GALK2: variants seen among roughly 807,000 people sequenced by gnomAD.
GALK2 encodes N-acetylgalactosamine kinase.
In GALK2, 36 loss-of-function variants were observed where a neutral mutation model predicts 52.4. The ratio of observed to expected loss-of-function variants is 0.69; its 90% CI spans 0.53 to 0.91. The LOEUF is 0.91. GALK2 is among the 40% of genes least tolerant of loss of function. GALK2 has a pLI of 0.00. For missense variants in GALK2, 579 were observed against 559.1 expected (o/e 1.04, Z -0.36); for synonymous variants, 176 against 199.1 (o/e 0.88, Z 0.98).
At chr15:49,338,494 C>T (rs924740005) in intron 3 of GALK2, among the ~76,000 whole-genome samples, 9 of 152,192 alleles carry the variant, frequency 5.9e-5, no homozygotes, top group East Asian at 3.8e-4. Flanking sequence ...CAGAGAGATC[C>T]GCTGTTAGTC....
intron 3 of GALK2, among the ~76,000 whole-genome samples, chr15:49,222,139 T>G (rs1434958391): frequency 6.6e-6 from 1 of 152,158 alleles, no homozygotes; most frequent in African/African-American, 2.4e-5. Flanking sequence ...AATTTATTCT[T>G]AGGTATTTTT....
intron 3 of GALK2, among the ~76,000 whole-genome samples, chr15:49,351,700 T>C (rs1251942236): frequency 6.6e-6 from 1 of 152,150 alleles, no homozygotes; most frequent in Non-Finnish European, 1.5e-5. Flanking sequence ...AAAGTAACAT[T>C]GGACAGACAG....
chr15:49,293,782 G>A (rs7177959), intron 8 of GALK2, among the ~76,000 whole-genome samples: 24,284 of 152,030 alleles, frequency 0.16, 3,062 homozygotes, highest in African/African-American at 0.35. Context: ...TTGGGTCTAG[G>A]GAGACCAGAA....
At chr15:49,192,703 A>C (rs1271736429) in intron 1 of GALK2, among the ~76,000 whole-genome samples, 1 of 151,622 alleles carries the variant, frequency 6.6e-6, no homozygotes, top group Non-Finnish European at 1.5e-5. Flanking sequence ...TCAACATCAG[A>C]ATGCATTGTT....
intron 5 of GALK2, among the ~76,000 whole-genome samples, chr15:49,264,465 AT>A (rs1490311888): frequency 3.3e-5 from 5 of 152,098 alleles, no homozygotes; most frequent in Non-Finnish European, 7.4e-5. Flanking sequence ...CTAGTTATAC[AT>A]TCGTCTAAAT....
intron 5 of GALK2, among the ~76,000 whole-genome samples, chr15:49,250,584 C>T (rs1325640854): frequency 6.6e-6 from 1 of 152,056 alleles, no homozygotes; most frequent in Non-Finnish European, 1.5e-5. Context: ...GATTCCAGCT[C>T]ACATATTTTT....
rs2090982622 is a variant in GALK2 at position 49,239,308 on chromosome 15, G to T, written c.445G>T (p.Ala149Ser). Residue 149 changes from alanine to serine, a missense_variant, in exon 5 of 10, where the codon GCT becomes TCT. Coordinates refer to ENST00000560031, the MANE Select transcript of GALK2 (RefSeq NM_002044.4). ...AAGTTCTGGCCTCTCCAGCTCCAGT[G>T]CTTTGGTCTGTTGTGCTGGCTTGGT... ...PPSSGLSSSS[A>S]LVCCAGLVTL... The T allele has an allele frequency of 6.2e-7, 1 of 1,614,028 alleles. No individual in the cohort carries two copies. The highest frequency in any genetic ancestry group is 1.7e-5 in the Admixed American group (1 of 60,004).
Position 49,188,330 on chromosome 15 carries a change from G to T in GALK2, c.54-12832G>T, listed in dbSNP as rs116209621. Reference sequence around the variant, plus strand: ...TGCTGGGATGGGCAATTTCCCTCTAGCTAGGGCTGGTCTAAATGCTGCTTC... The same window carrying T: ...TGCTGGGATGGGCAATTTCCCTCTATCTAGGGCTGGTCTAAATGCTGCTTC... On this transcript the variant is annotated intron_variant, in intron 1 of 9. Coordinates refer to ENST00000560031, the MANE Select transcript of GALK2 (RefSeq NM_002044.4). Among the ~76,000 whole-genome samples the T allele has an allele frequency of 6.3e-3, 963 of 152,300 alleles. 15 individuals carry two copies. Among genetic ancestry groups the T allele is most frequent in the African/African-American group, 0.022 (906 of 41,570 alleles).
chr15:49,348,867 A>C (rs2041886511), intron 3 of GALK2, among the ~76,000 whole-genome samples: 2 of 152,190 alleles, frequency 1.3e-5, no homozygotes. Context: ...TTCTTCTCTT[A>C]TTTGATACAA....
At chr15:49,168,690 C>T (rs934565562), upstream of GALK2, among the ~76,000 whole-genome samples, 1 of 151,062 alleles carries the variant, frequency 6.6e-6, no homozygotes, top group African/African-American at 2.4e-5. Context: ...TGCACTCCAG[C>T]CTGGGCAACA....
chr15:49,341,022 T>G (rs2040644717), intron 3 of GALK2, among the ~76,000 whole-genome samples: 2 of 152,200 alleles, frequency 1.3e-5, no homozygotes, highest in Non-Finnish European at 2.9e-5. Context: ...GAGTAGGAAG[T>G]CCTTTCCCCA....
intron 8 of GALK2, among the ~76,000 whole-genome samples, chr15:49,316,483 G>A (rs12904171): frequency 6.8e-6 from 1 of 147,334 alleles, no homozygotes; most frequent in African/African-American, 2.6e-5. Context: ...GGGTAGGGGG[G>A]AGGGATAGCA....
upstream of GALK2, chr15:49,168,995 G>C (rs1471341665): frequency 2.0e-5 from 3 of 153,650 alleles, no homozygotes; most frequent in Admixed American, 6.6e-5. Context: ...TTGTTTCTTT[G>C]ATGTATCATT....
intron 3 of GALK2, among the ~76,000 whole-genome samples, chr15:49,230,735 G>A (rs2090455205): frequency 6.6e-6 from 1 of 152,160 alleles, no homozygotes; most frequent in Non-Finnish European, 1.5e-5. Context: ...CTGGGCAGAT[G>A]TTTCTTTGAA....
intron 3 of GALK2, among the ~76,000 whole-genome samples, chr15:49,342,012 G>T (rs549754639): frequency 1.3e-5 from 2 of 152,258 alleles, no homozygotes; most frequent in African/African-American, 4.8e-5. Context: ...TTCTGTGGTT[G>T]ATGGGTGAAG....
At chr15:49,201,054 GT>G in intron 1 of GALK2, 107 bp from the exon 2 acceptor site, 2 of 112,134 alleles carry the variant, frequency 1.8e-5, no homozygotes, top group Admixed American at 1.2e-4. Flanking sequence ...GGCATATGGA[GT>G]GTGTGTGTGT....
At chr15:49,175,846 T>C (rs902137203) in intron 1 of GALK2, among the ~76,000 whole-genome samples, 2 of 152,170 alleles carry the variant, frequency 1.3e-5, no homozygotes, top group Non-Finnish European at 2.9e-5. Context: ...CCTGTCCTGT[T>C]CTGTTCCCTT....
chr15:49,170,404 G>C (rs1435359273), intron 1 of GALK2, 29 bp downstream of exon 1: 11 of 1,567,682 alleles, frequency 7.0e-6, no homozygotes, highest in Non-Finnish European at 9.5e-6. Context: ...CGGGCTTTGG[G>C]ATCTGCTGGG....
chr15:49,328,757 T>A lies in GALK2; in HGVS notation c.*598T>A. 6.8e-7 allele frequency: 1 copy of A among 1,470,184 alleles called. No individual in the cohort carries two copies. 91.1% of individuals were successfully genotyped at this position (1,470,184 alleles called of 1,614,324 possible). A position where few individuals can be genotyped will look rare whatever the true frequency, so the allele number is the denominator to read the frequency against. ...GAATTTGAATGTGAGATTTCTCCAGTTATCAAGAGACTAAGGATTTTTTTT... is the reference window on the plus strand; with the variant it reads ...GAATTTGAATGTGAGATTTCTCCAGATATCAAGAGACTAAGGATTTTTTTT... On this transcript the variant is annotated 3_prime_UTR_variant, in exon 10 of 10. Transcript: ENST00000560031.
Sources: allele counts gnomAD v4.1 joint callset (sites outside exome capture counted in the v4.1 genomes callset), GRCh38; gene constraint gnomAD v4.1.1; transcripts MANE v1.5; gene names NCBI Gene and HGNC (gene_info 2026-07-23, HGNC 2026-07-21).